The following BMPER variants were observed in gnomAD, a reference collection of about 807,000 sequenced individuals.
The protein encoded by BMPER is BMP-binding endothelial regulator protein.
Under a neutral mutation model 87.3 loss-of-function variants are expected in BMPER, and 45 were observed. The observed-to-expected ratio is 0.52, with a 90% CI of 0.41 to 0.66. The LOEUF is 0.66. BMPER is among the 30% of genes least tolerant of loss of function. BMPER has a pLI of 0.00. For synonymous variants in BMPER, 326 were observed against 316.2 expected (o/e 1.03, Z -0.33); for missense variants, 784 against 867.5 (o/e 0.90, Z 1.21).
chr7:34,019,903 T>C (rs1787133541), intron 6 of BMPER, among the ~76,000 whole-genome samples: 1 of 151,532 alleles, frequency 6.6e-6, no homozygotes, highest in Non-Finnish European at 1.5e-5. Flanking sequence ...GGGATCTGGC[T>C]ATAGTTGGGG....
chr7:34,014,142 T>C (rs1193996738), intron 6 of BMPER, among the ~76,000 whole-genome samples: 1 of 151,906 alleles, frequency 6.6e-6, no homozygotes, highest in Admixed American at 6.6e-5. Context: ...AATCAGTGGA[T>C]AAGCAATTAA....
At chr7:34,150,489 A>G (rs539090397) in intron 14 of BMPER, among the ~76,000 whole-genome samples, 1 of 152,224 alleles carries the variant, frequency 6.6e-6, no homozygotes, top group Non-Finnish European at 1.5e-5. Flanking sequence ...TGTGACCACC[A>G]TTAGTCCACT....
chr7:33,953,965 C>T (rs559699504), intron 3 of BMPER, among the ~76,000 whole-genome samples: 9 of 152,244 alleles, frequency 5.9e-5, no homozygotes, highest in Admixed American at 3.9e-4. Context: ...CATGTTGTAG[C>T]GGGTATTAGA....
At chr7:34,058,609 A>T (rs1333364603) in intron 10 of BMPER, among the ~76,000 whole-genome samples, 1 of 152,266 alleles carries the variant, frequency 6.6e-6, no homozygotes, top group East Asian at 1.9e-4. Flanking sequence ...GGCATCCCCG[A>T]TTTCTTTGCT....
intron 5 of BMPER, among the ~76,000 whole-genome samples, chr7:33,971,037 A>C (rs1341252290): frequency 6.6e-6 from 1 of 151,986 alleles, no homozygotes; most frequent in Non-Finnish European, 1.5e-5. Flanking sequence ...GGGGCTTTTG[A>C]GGTGAGAGAT....
intron 6 of BMPER, among the ~76,000 whole-genome samples, chr7:33,977,259 T>A (rs1474323123): frequency 6.6e-6 from 1 of 151,138 alleles, no homozygotes; most frequent in Non-Finnish European, 1.5e-5. Context: ...ATGTTTGCTA[T>A]CTTTTGATGG....
chr7:34,093,528 C>A (rs1193195722), intron 13 of BMPER, among the ~76,000 whole-genome samples: 1 of 152,178 alleles, frequency 6.6e-6, no homozygotes, highest in East Asian at 1.9e-4. Flanking sequence ...CAGGACATTC[C>A]AGGGGCTTAA....
chr7:34,152,995 C>T lies in BMPER; in HGVS notation c.1877-97C>T. The T allele has an allele frequency of 4.4e-6, 6 of 1,373,550 alleles. No homozygotes were observed. The Middle Eastern group carries it at 7.3e-4, about 167-fold the overall frequency. The allele number at this position is 1,373,550 out of a possible 1,614,324, so 85.1% of individuals were successfully genotyped here. ...TGTGATCCTGAGCTATGGAAACGTC[C>T]ATGAAGTGTCATGAGCCTGCAAGAA... On this transcript the variant is annotated intron_variant, in intron 14 of 14. Transcript: ENST00000649409.
intron 6 of BMPER, among the ~76,000 whole-genome samples, chr7:34,033,950 ATG>A (rs1787596967): frequency 5.3e-5 from 8 of 152,186 alleles, no homozygotes; most frequent in Admixed American, 5.2e-4. Context: ...CTAACTAAGA[ATG>A]TTCAGGTAGA....
intron 6 of BMPER, among the ~76,000 whole-genome samples, chr7:34,041,735 TTC>T (rs2127955815): frequency 6.6e-6 from 1 of 152,186 alleles, no homozygotes; most frequent in African/African-American, 2.4e-5. Context: ...CCCCTCCAAC[TTC>T]TCTCTCTTTT....
In BMPER at chr7:33,921,979, T is replaced by C. The variant is rs1309713566; in HGVS notation, c.219+15076T>C. ...GAAGCTATTTCCTTCGGCTGGCAAC[T>C]TACAGCCAGCAGGTCCCTTCCTCGT... On this transcript the variant is annotated intron_variant, in intron 2 of 14. Transcript: ENST00000649409. The C allele has an allele frequency of 7.6e-6, 3 of 396,700 alleles. No homozygotes were observed. The Admixed American group carries it at 8.2e-5, about 11-fold the overall frequency. 24.6% of individuals were successfully genotyped at this position (396,700 alleles called of 1,614,324 possible). A position where few individuals can be genotyped will look rare whatever the true frequency, so the allele number is the denominator to read the frequency against.
Position 34,143,281 on chromosome 7 carries a change from C to T in BMPER, c.1797C>T (p.Cys599=), listed in dbSNP as rs74674953. The stretch of plus-strand genomic sequence containing the variant: ...GTCCAGTCCATAAAAACTGTTATTG[C>T]GAGTCATTTTTGGCATATACCCGGG... ...CECPVHKNCY[C]ESFLAYTRAC... The change falls in exon 14 of 15, where the codon TGC becomes TGT. Residue 599 remains cysteine (C), a synonymous_variant. Transcript: ENST00000649409. The T allele has an allele frequency of 5.7e-3, 9,236 of 1,613,974 alleles. 50 individuals carry two copies. The highest frequency in any genetic ancestry group is 0.01 in the Middle Eastern group (62 of 6,062).
rs542520628 is a variant in BMPER, at chr7:33,954,586, G to T, written c.320-11893G>T. ...CAGCACACCACTGACTACAAGCCAGGTGCTTGATACTTCTCTTCTTTTTAA... is the reference window on the plus strand; with the variant it reads ...CAGCACACCACTGACTACAAGCCAGTTGCTTGATACTTCTCTTCTTTTTAA... On this transcript the variant is annotated intron_variant, in intron 3 of 14. Coordinates refer to ENST00000649409, the MANE Select transcript of BMPER (RefSeq NM_001365308.1). Among the ~76,000 whole-genome samples, 22 of 152,300 alleles carry T rather than the reference G, an allele frequency of 1.4e-4. No homozygotes were observed. The East Asian group carries it at 2.3e-3, about 16-fold the overall frequency.
At chr7:33,993,809 C>T (rs1296494701) in intron 6 of BMPER, among the ~76,000 whole-genome samples, 1 of 152,154 alleles carries the variant, frequency 6.6e-6, no homozygotes, top group Non-Finnish European at 1.5e-5. Flanking sequence ...GTATGGATGT[C>T]CTTTCTGTTT....
At chr7:33,923,954 T>C (rs1784296768) in intron 2 of BMPER, among the ~76,000 whole-genome samples, 1 of 152,238 alleles carries the variant, frequency 6.6e-6, no homozygotes, top group Admixed American at 6.5e-5. Flanking sequence ...ACTGGTATGC[T>C]GATAGTTTCC....
chr7:34,149,251 A>G (rs752170657), intron 14 of BMPER, among the ~76,000 whole-genome samples: 5 of 152,216 alleles, frequency 3.3e-5, no homozygotes, highest in Non-Finnish European at 7.3e-5. Context: ...GTGGGCTGAG[A>G]AATAAATATT....
chr7:34,006,376 A>G (rs1023340384), intron 6 of BMPER, among the ~76,000 whole-genome samples: 18 of 152,058 alleles, frequency 1.2e-4, no homozygotes, highest in African/African-American at 4.3e-4. Flanking sequence ...TGTATTAGTG[A>G]ATCCCTAAAA....
rs747492438 is a variant in BMPER, at chr7:33,906,850, G to A, written c.166G>A (p.Val56Ile). 2 of 1,613,878 alleles carry A rather than the reference G, an allele frequency of 1.2e-6. No individual in the cohort carries two copies. Among genetic ancestry groups the A allele is most frequent in the South Asian group, 1.1e-5 (1 of 91,060 alleles). Residue 56 changes from valine (V) to isoleucine (I), a missense_variant, in exon 2 of 15, where the codon GTC (valine) becomes ATC (isoleucine). Transcript: ENST00000649409. ...SVAKCENEGE[V>I]LQIPFITDNP... ...TGCAAAATGTGAAAATGAAGGTGAA[G>A]TCCTCCAGATTCCATTTATCACAGA...
At chr7:33,940,137 A>G (rs1384918201) in intron 3 of BMPER, 2 of 159,556 alleles carry the variant, frequency 1.3e-5, no homozygotes, top group Admixed American at 1.3e-4. Flanking sequence ...AGAAATAGCA[A>G]TTGCTATCGT....
Sources: gnomAD v4.1 joint callset for allele counts (sites outside exome capture counted in the v4.1 genomes callset) on GRCh38, gnomAD v4.1.1 for gene constraint, MANE v1.5 for transcripts, NCBI Gene and HGNC (gene_info 2026-07-23, HGNC 2026-07-21) for gene names.